CALN1: variants seen among roughly 807,000 people sequenced by gnomAD.
The protein encoded by CALN1 is calneuron 1, also known as calcium-binding protein 8.
A neutral mutation model predicts 30.6 loss-of-function variants in CALN1; 17 were observed. The ratio of observed to expected loss-of-function variants is 0.56; its 90% CI spans 0.38 to 0.83. CALN1 has a LOEUF of 0.83. CALN1 is among the 40% of genes least tolerant of loss of function. The probability of loss-of-function intolerance (pLI) is 0.00; values close to 1 mark genes in which losing one functional copy is unlikely to be tolerated. For missense variants in CALN1, 291 were observed against 354.9 expected (o/e 0.82, Z 1.45); for synonymous variants, 156 against 131.4 (o/e 1.19, Z -1.28).
chr7:72,358,893 G>A (rs1482882926), intron 2 of CALN1, among the ~76,000 whole-genome samples: 1 of 151,900 alleles, frequency 6.6e-6, no homozygotes, highest in African/African-American at 2.4e-5. Flanking sequence ...AGGAGGCGGA[G>A]GTTGCAGTGA....
At chr7:72,284,592 C>T (rs1171442223) in intron 2 of CALN1, among the ~76,000 whole-genome samples, 1 of 152,206 alleles carries the variant, frequency 6.6e-6, no homozygotes, top group Non-Finnish European at 1.5e-5. Context: ...ATTTGCTCTT[C>T]AAACTGTCTT....
At chr7:72,333,470 T>C (rs1193569183) in intron 2 of CALN1, among the ~76,000 whole-genome samples, 4 of 152,208 alleles carry the variant, frequency 2.6e-5, no homozygotes, top group Non-Finnish European at 4.4e-5. Context: ...TATCCTCAAA[T>C]TGAGCGTTCT....
rs60932081 is a variant in CALN1 at position 72,054,433 on chromosome 7, GTATA to G, written c.389-30668_389-30665del. On this transcript the variant is annotated intron_variant, in intron 4 of 6. Transcript: ENST00000395275. ...TATATATATACGTGTATATATACAC[GTATA>G]TATATATATACATATATATACATAT... is the stretch of plus-strand genomic sequence containing the variant. Among the ~76,000 whole-genome samples, 154 of 99,582 alleles carry G rather than the reference GTATA, an allele frequency of 1.5e-3. 10 individuals are homozygous for G. The highest frequency in any genetic ancestry group is 4.1e-3 in the African/African-American group (126 of 31,028). The allele number at this position is 99,582 out of a possible 152,430, so 65.3% of individuals were successfully genotyped here.
At chr7:71,917,875 C>T (rs1447200760) in intron 5 of CALN1, among the ~76,000 whole-genome samples, 4 of 152,094 alleles carry the variant, frequency 2.6e-5, no homozygotes, top group Non-Finnish European at 5.9e-5. Flanking sequence ...TCAATCATCA[C>T]GTTGTACACA....
chr7:72,404,276 G>C (rs1222999837), intron 1 of CALN1, among the ~76,000 whole-genome samples: 1 of 152,202 alleles, frequency 6.6e-6, no homozygotes, highest in Admixed American at 6.5e-5. Flanking sequence ...ACCCCAGGCA[G>C]GGAAGAGCTC....
intron 3 of CALN1, among the ~76,000 whole-genome samples, chr7:72,191,113 A>T (rs1790566513): frequency 6.6e-6 from 1 of 152,186 alleles, no homozygotes; most frequent in Non-Finnish European, 1.5e-5. Context: ...CAGATGCGCC[A>T]ACGAATAATT....
chr7:72,300,684 A>C (rs73702903), intron 2 of CALN1, among the ~76,000 whole-genome samples: 2,874 of 152,308 alleles, frequency 0.019, 93 homozygotes, highest in African/African-American at 0.064. Context: ...TTTAAGTATA[A>C]ACTGTATTTG....
At chr7:72,348,519 C>T (rs1455250726) in intron 2 of CALN1, among the ~76,000 whole-genome samples, 3 of 152,198 alleles carry the variant, frequency 2.0e-5, no homozygotes, top group Non-Finnish European at 4.4e-5. Context: ...TCCTAGTTGA[C>T]AACTAAGATG....
chr7:72,369,688 A>T (rs1239187214), intron 2 of CALN1, among the ~76,000 whole-genome samples: 1 of 152,090 alleles, frequency 6.6e-6, no homozygotes, highest in Non-Finnish European at 1.5e-5. Flanking sequence ...ACTCGTAAGA[A>T]TTACCATAGT....
intron 2 of CALN1, among the ~76,000 whole-genome samples, chr7:72,379,763 C>A (rs1804779772): frequency 1.3e-5 from 2 of 152,200 alleles, no homozygotes; most frequent in South Asian, 4.1e-4. Flanking sequence ...TCTGTCTAAT[C>A]CATCCATCCA....
chr7:72,282,958 A>T (rs1203795084), intron 2 of CALN1, among the ~76,000 whole-genome samples: 2 of 150,900 alleles, frequency 1.3e-5, no homozygotes, highest in Non-Finnish European at 2.9e-5. Flanking sequence ...TGGGAGGCTG[A>T]GGCACAAGGA....
intron 2 of CALN1, among the ~76,000 whole-genome samples, chr7:72,347,159 C>T (rs1432363127): frequency 6.6e-6 from 1 of 152,016 alleles, no homozygotes; most frequent in Non-Finnish European, 1.5e-5. Flanking sequence ...CTATAAACTC[C>T]GAATAGGATA....
chr7:72,225,993 G>A (rs1479134679), intron 3 of CALN1, among the ~76,000 whole-genome samples: 2 of 151,904 alleles, frequency 1.3e-5, no homozygotes, highest in Non-Finnish European at 2.9e-5. Context: ...CTACTCGGGA[G>A]GCTGAGGCAG....
At chr7:72,130,933 A>G (rs1809099920) in intron 3 of CALN1, among the ~76,000 whole-genome samples, 1 of 152,222 alleles carries the variant, frequency 6.6e-6, no homozygotes, top group African/African-American at 2.4e-5. Flanking sequence ...TGACTTAATC[A>G]AAGAGCTTGT....
At chr7:71,800,574 A>G (rs1787241124) in intron 6 of CALN1, among the ~76,000 whole-genome samples, 1 of 152,144 alleles carries the variant, frequency 6.6e-6, no homozygotes, top group Admixed American at 6.6e-5. Flanking sequence ...GATGTGTCTT[A>G]AGAGGGCGCA....
intron 5 of CALN1, among the ~76,000 whole-genome samples, chr7:71,949,728 C>A (rs1796593361): frequency 6.6e-6 from 1 of 151,802 alleles, no homozygotes; most frequent in African/African-American, 2.4e-5. Context: ...GCTCTCGAGC[C>A]CCTATGCCTG....
At chr7:72,487,820 GAGAA>G in the CALN1 span, among the ~76,000 whole-genome samples, 1 of 134,016 alleles carries the variant, frequency 7.5e-6, no homozygotes, top group East Asian at 2.3e-4. Context: ...GAGAGAGAAA[GAGAA>G]AAAGAAAGAA....
intron 5 of CALN1, among the ~76,000 whole-genome samples, chr7:71,832,940 G>A (rs1052526941): frequency 1.3e-5 from 2 of 152,134 alleles, no homozygotes; most frequent in African/African-American, 4.8e-5. Context: ...ATCCAGCCTT[G>A]TCATTGTGTC....
chr7:72,139,176 G>T (rs1299222629), intron 3 of CALN1, among the ~76,000 whole-genome samples: 1 of 152,196 alleles, frequency 6.6e-6, no homozygotes, highest in South Asian at 2.1e-4. Flanking sequence ...GAGCCCATGG[G>T]CATCCGGCAA....
Sources: allele counts gnomAD v4.1 joint callset (sites outside exome capture counted in the v4.1 genomes callset), GRCh38; gene constraint gnomAD v4.1.1; transcripts MANE v1.5; gene names NCBI Gene and HGNC (gene_info 2026-07-23, HGNC 2026-07-21).